The following LRP1B variants were observed in gnomAD, a reference collection of about 807,000 sequenced individuals.
The protein encoded by LRP1B is LDL receptor related protein 1B.
In LRP1B, 217 loss-of-function variants were observed where a neutral mutation model predicts 556.6. The observed-to-expected ratio is 0.39, with a 90% confidence interval of 0.35 to 0.44. The LOEUF (loss-of-function observed/expected upper bound fraction) is 0.44, where lower values mean the gene tolerates loss of function less well. LRP1B is among the 20% of genes least tolerant of loss of function. The probability of loss-of-function intolerance (pLI) is 1.00; values close to 1 mark genes in which losing one functional copy is unlikely to be tolerated. For missense variants in LRP1B, 5,053 were observed against 5,620.8 expected, an observed-to-expected ratio of 0.90 and a Z score of 3.23; for synonymous variants, 2,047 against 1,865.8, an observed-to-expected ratio of 1.10 and a Z score of -2.50.
chr2:141,429,781 G>C (rs1680499132), intron 3 of LRP1B, among the ~76,000 whole-genome samples: 1 of 152,128 alleles, frequency 6.6e-6, no homozygotes. Context: ...TGAGGATAAT[G>C]GCCTCCTGCT....
chr2:140,659,730 T>C (rs1685024887), intron 41 of LRP1B, among the ~76,000 whole-genome samples: 1 of 151,922 alleles, frequency 6.6e-6, no homozygotes, highest in African/African-American at 2.4e-5. Flanking sequence ...TATAAAACGA[T>C]ACAATTTAAT....
chr2:140,769,374 A>G (rs762268776), intron 34 of LRP1B, 30 bp from the exon 35 acceptor site: 6 of 1,565,238 alleles, frequency 3.8e-6, no homozygotes, highest in Non-Finnish European at 4.3e-6. Flanking sequence ...TAAGGGGGGG[A>G]AGGGAAGCCC....
Position 140,509,992 on chromosome 2 carries a change from A to G in LRP1B, c.8334T>C (p.His2778=), listed in dbSNP as rs2104917195. The G allele has an allele frequency of 6.2e-7, 1 of 1,613,986 alleles. No homozygotes were observed. The highest frequency in any genetic ancestry group is 8.5e-7 in the Non-Finnish European group (1 of 1,180,014). ...CQGSRACVPR[H]WLCDGERDCP... ...AGTCCCTTTCACCATCACAAAGCCA[A>G]TGTCGGGGCACGCAGGCACGAGAGC... is the stretch of plus-strand genomic sequence containing the variant. The change falls in exon 52 of 91, where the codon CAT becomes CAC. Residue 2778 remains histidine, a synonymous_variant. Transcript: ENST00000389484.
At chr2:141,726,456 G>A (rs1171789391) in intron 2 of LRP1B, among the ~76,000 whole-genome samples, 1 of 151,948 alleles carries the variant, frequency 6.6e-6, no homozygotes, top group African/African-American at 2.4e-5. Context: ...ATTCTAGGGG[G>A]CATAACAGTT....
intron 1 of LRP1B, among the ~76,000 whole-genome samples, chr2:141,824,332 T>C (rs1173098077): frequency 1.3e-5 from 2 of 152,188 alleles, no homozygotes; most frequent in East Asian, 3.9e-4. Context: ...GATCAGGATA[T>C]AAAAACACAT....
chr2:140,996,011 G>A (rs912453866), intron 15 of LRP1B, among the ~76,000 whole-genome samples: 7 of 152,010 alleles, frequency 4.6e-5, no homozygotes, highest in African/African-American at 1.7e-4. Context: ...AAACATGAAT[G>A]TTATGTGGCC....
chr2:141,591,362 T>TG (rs767865275), intron 2 of LRP1B, among the ~76,000 whole-genome samples: 1 of 58,546 alleles, frequency 1.7e-5, no homozygotes, highest in Non-Finnish European at 3.6e-5. Context: ...GTTGTTTGTT[T>TG]GTTTTTTTTT....
intron 7 of LRP1B, among the ~76,000 whole-genome samples, chr2:141,077,304 G>A (rs1204603792): frequency 6.6e-6 from 1 of 151,988 alleles, no homozygotes; most frequent in Non-Finnish European, 1.5e-5. Flanking sequence ...ATGCAATACT[G>A]GTATTTTGTC....
At chr2:141,712,771 C>A (rs543054955) in intron 2 of LRP1B, among the ~76,000 whole-genome samples, 1 of 151,512 alleles carries the variant, frequency 6.6e-6, no homozygotes, top group South Asian at 2.1e-4. Flanking sequence ...CTGGATTCAA[C>A]TGAATCTCCT....
chr2:141,124,699 A>C (rs1701157482), intron 7 of LRP1B, among the ~76,000 whole-genome samples: 1 of 151,786 alleles, frequency 6.6e-6, no homozygotes, highest in Non-Finnish European at 1.5e-5. Flanking sequence ...TACTTTAAAG[A>C]GCCCATTAAA....
At chr2:140,446,972 GA>G (rs142478580) in intron 63 of LRP1B, among the ~76,000 whole-genome samples, 36,415 of 150,798 alleles carry the variant, frequency 0.24, 4,692 homozygotes, top group Non-Finnish European at 0.28. Context: ...TCAATAGTAA[GA>G]AAAAAAAACT....
rs61184600 is a variant in LRP1B at position 141,276,658 on chromosome 2, C to CTTTCT, written c.344-22018_344-22017insAGAAA. Among the ~76,000 whole-genome samples the CTTTCT allele has an allele frequency of 6.6e-3, 817 of 122,944 alleles. 7 individuals carry two copies. The highest frequency in any genetic ancestry group is 0.021 in the African/African-American group (693 of 32,536). 80.7% of individuals were successfully genotyped at this position (122,944 alleles called of 152,430 possible). A position where few individuals can be genotyped will look rare whatever the true frequency, so the allele number is the denominator to read the frequency against. On this transcript the variant is annotated intron_variant, in intron 3 of 90. Transcript: ENST00000389484. ...TATTTTTTTCTTTCTTTCTTTCTTT[C>CTTTCT]TTTTTTTTTTTTTTTTGAGACAGAG...
At chr2:141,290,466 C>T (rs945143772) in intron 3 of LRP1B, among the ~76,000 whole-genome samples, 8 of 151,928 alleles carry the variant, frequency 5.3e-5, no homozygotes, top group Non-Finnish European at 8.8e-5. Flanking sequence ...TGACTTTATT[C>T]AATGTTGTAT....
chr2:141,989,194 CA>C (rs1249281237), intron 1 of LRP1B, among the ~76,000 whole-genome samples: 3 of 151,852 alleles, frequency 2.0e-5, no homozygotes, highest in Non-Finnish European at 4.4e-5. Flanking sequence ...TGTTTTCTAC[CA>C]CTGTCATATA....
At chr2:141,701,138 A>T (rs1271226319) in intron 2 of LRP1B, among the ~76,000 whole-genome samples, 1 of 151,892 alleles carries the variant, frequency 6.6e-6, no homozygotes, top group Non-Finnish European at 1.5e-5. Flanking sequence ...ACCATTGTAG[A>T]AGTTAATCTC....
At chr2:141,950,754 C>T (rs1701084293) in intron 1 of LRP1B, among the ~76,000 whole-genome samples, 1 of 152,012 alleles carries the variant, frequency 6.6e-6, no homozygotes. Context: ...AAAAATATTA[C>T]TTCAATTATT....
chr2:140,927,386 A>C (rs549992342), intron 20 of LRP1B, among the ~76,000 whole-genome samples: 15 of 152,314 alleles, frequency 9.8e-5, no homozygotes, highest in East Asian at 9.7e-4. Flanking sequence ...GCACATGATA[A>C]GTAGCAGAGA....
intron 2 of LRP1B, among the ~76,000 whole-genome samples, chr2:141,661,947 TAC>T (rs1464728729): frequency 6.6e-6 from 1 of 152,070 alleles, no homozygotes; most frequent in East Asian, 1.9e-4. Flanking sequence ...CCAGGTCACG[TAC>T]AAAGGAAAGT....
chr2:140,298,032 A>C, intron 83 of LRP1B, 63 bp from the exon 84 acceptor site: 1 of 1,460,564 alleles, frequency 6.8e-7, no homozygotes, highest in African/African-American at 1.4e-5. Context: ...TTTTCAAGGA[A>C]TTTTCATGGG....
Sources: allele counts gnomAD v4.1 joint callset (sites outside exome capture counted in the v4.1 genomes callset), GRCh38; gene constraint gnomAD v4.1.1; transcripts MANE v1.5; gene names NCBI Gene and HGNC (gene_info 2026-07-23, HGNC 2026-07-21).